CSNK1D: variants seen among roughly 807,000 people sequenced by gnomAD.
The protein encoded by CSNK1D is casein kinase 1 delta, also known as casein kinase I isoform delta.
CSNK1D carries 16 observed loss-of-function variants against 46.6 expected under a neutral mutation model. The ratio of observed to expected loss-of-function variants is 0.34; its 90% CI spans 0.23 to 0.52. The LOEUF is 0.52. Ranked by LOEUF, CSNK1D falls within the 20% of genes least tolerant of loss-of-function variation. CSNK1D has a pLI of 0.95. For synonymous variants in CSNK1D, 276 were observed against 228.2 expected (o/e 1.21, Z -1.89); for missense variants, 398 against 578.4 (o/e 0.69, Z 3.20).
intron 8 of CSNK1D, chr17:82,247,784 AAAGTCAAAATAACCACG>A (rs1355873426): frequency 5.1e-6 from 5 of 985,318 alleles, no homozygotes; most frequent in African/African-American, 1.7e-5. Context: ...ATATAACCAC[AAAGTCAAAATAACCACG>A]AAGCCAAAAT....
At chr17:82,240,830 G>T (rs2050732563), downstream of CSNK1D, among the ~76,000 whole-genome samples, 1 of 152,166 alleles carries the variant, frequency 6.6e-6, no homozygotes, top group African/African-American at 2.4e-5. Flanking sequence ...CCGCAGGGTG[G>T]GCGTGAGTGG....
At chr17:82,271,045 A>G (rs558134661) in intron 1 of CSNK1D, among the ~76,000 whole-genome samples, 1 of 152,370 alleles carries the variant, frequency 6.6e-6, no homozygotes, top group East Asian at 1.9e-4. Context: ...ACAAGGTCTC[A>G]GATCAGAGAA....
intron 2 of CSNK1D, among the ~76,000 whole-genome samples, chr17:82,260,495 CTGATGTGACTGATGGTGTACTGAG>C (rs1363458598): frequency 0.025 from 2,528 of 100,988 alleles, 29 homozygotes; most frequent in Middle Eastern, 0.048. Context: ...GGTGTACTGA[CTGATGTGACTGATGGTGTACTGAG>C]TGATGTGACT....
At chr17:82,242,243 T>C (rs1271768190), downstream of CSNK1D, among the ~76,000 whole-genome samples, 1 of 151,506 alleles carries the variant, frequency 6.6e-6, no homozygotes, top group African/African-American at 2.4e-5. Context: ...CCCTATCTCC[T>C]TGTGCCTGTG....
intron 1 of CSNK1D, among the ~76,000 whole-genome samples, chr17:82,272,805 G>C (rs1050988281): frequency 4.6e-5 from 7 of 152,210 alleles, no homozygotes; most frequent in African/African-American, 1.4e-4. Flanking sequence ...GCGGAAGAAA[G>C]AGCGTGGCCT....
At chr17:82,264,989 CG>C (rs1221344524) in intron 2 of CSNK1D, among the ~76,000 whole-genome samples, 21 of 151,564 alleles carry the variant, frequency 1.4e-4, no homozygotes, top group African/African-American at 5.1e-4. Context: ...TTAGTAGAGA[CG>C]GGGTTTCACT....
rs539519251 is a variant in CSNK1D at position 82,249,811 on chromosome 17, C to G, written c.886-209G>C. 388 of 1,435,422 alleles carry G rather than the reference C, an allele frequency of 2.7e-4. No individual in the cohort carries two copies. Among genetic ancestry groups the G allele is most frequent in the Non-Finnish European group, 2.8e-4 (306 of 1,099,620 alleles). 88.9% of individuals were successfully genotyped at this position (1,435,422 alleles called of 1,614,324 possible). On this transcript the variant is annotated intron_variant, in intron 6 of 8. Transcript: ENST00000314028. This position sits in a 1 kb window ranked among gnomAD's most constrained non-coding sequence, Gnocchi z 6.7. ...GTCAGAGCCAGGCCTCTCAGCTCCC[C>G]CAACAATCGAAAAAACCCCACTCGC...
chr17:82,252,536 G>A lies in CSNK1D; in HGVS notation c.634C>T (p.Pro212Ser). ...GTGGCAGCCTTCAGCCCCTGCCAGG[G>A]GAGAGAGCCCAGGTTGAAGTACATT... ...VLMYFNLGSL[P>S]WQGLKAATKR... Residue 212 changes from proline to serine, a missense_variant, in exon 5 of 9, where the codon CCC (proline) becomes TCC (serine). This residue lies in a region of CSNK1D where 217 missense variants were observed against 370.3 expected (regional missense o/e 0.59). Transcript: ENST00000314028. The surrounding 1 kb of genome is among the most constrained non-coding windows in gnomAD (Gnocchi z 4.6). The A allele has an allele frequency of 6.2e-7, 1 of 1,614,052 alleles. No individual in the cohort carries two copies. The highest frequency in any genetic ancestry group is 8.5e-7 in the Non-Finnish European group (1 of 1,180,012).
chr17:82,241,775 G>C (rs549347674), downstream of CSNK1D, among the ~76,000 whole-genome samples: 12 of 152,376 alleles, frequency 7.9e-5, no homozygotes, highest in Non-Finnish European at 1.8e-4. Context: ...GAATGGCTGA[G>C]AGGAAGGGCC....
chr17:82,239,032 G>A, downstream of CSNK1D: 1 of 1,471,308 alleles, frequency 6.8e-7, no homozygotes, highest in Non-Finnish European at 9.0e-7. Flanking sequence ...GGCAACGCTT[G>A]CTATTTATTT....
In CSNK1D at chr17:82,249,080, T is replaced by C. The variant is rs2050928770; in HGVS notation, c.1058-66A>G. On this transcript the variant is annotated intron_variant, in intron 7 of 8. Transcript: ENST00000314028. The surrounding 1 kb of genome is among the most constrained non-coding windows in gnomAD (Gnocchi z 6.7). Reference sequence around the variant, plus strand: ...GCTGCCTCTCACTCGGGGCTTTCTATGAGAGGCTGTGGCCAGAGAGGACCC... The same window carrying C: ...GCTGCCTCTCACTCGGGGCTTTCTACGAGAGGCTGTGGCCAGAGAGGACCC... 2 of 1,527,056 alleles carry C rather than the reference T, an allele frequency of 1.3e-6. No homozygotes were observed. Among genetic ancestry groups the C allele is most frequent in the African/African-American group, 2.7e-5 (2 of 72,798 alleles). 94.6% of individuals were successfully genotyped at this position (1,527,056 alleles called of 1,614,324 possible). A position where few individuals can be genotyped will look rare whatever the true frequency, so the allele number is the denominator to read the frequency against.
intron 2 of CSNK1D, among the ~76,000 whole-genome samples, chr17:82,264,571 C>T (rs1239299017): frequency 1.3e-5 from 2 of 152,138 alleles, no homozygotes; most frequent in Non-Finnish European, 2.9e-5. Context: ...TCATGATGGT[C>T]GCCAAGTTCA....
chr17:82,243,176 C>T lies in CSNK1D; in HGVS notation c.*1605G>A, dbSNP rs1175947144. ...GAAAGCATCCATGGGCTCAGGCAGA[C>T]GGCCAGCCAGCTGGTGGGGGGGTGA... On this transcript the variant is annotated 3_prime_UTR_variant, in exon 9 of 9. Transcript: ENST00000314028. 2.7e-5 allele frequency: 27 copies of T among 985,626 alleles called. No individual in the cohort carries two copies. The highest frequency in any genetic ancestry group is 1.2e-4 in the African/African-American group (7 of 57,356). 61.1% of individuals were successfully genotyped at this position (985,626 alleles called of 1,614,324 possible). A position where few individuals can be genotyped will look rare whatever the true frequency, so the allele number is the denominator to read the frequency against.
chr17:82,249,248 C>A lies in CSNK1D; in HGVS notation c.1057+183G>T. The stretch of plus-strand genomic sequence containing the variant: ...TGAGATGCGGGAGGAATCACGCACA[C>A]CAGCAGGTGCCGGCATTTCTAAAGG... On this transcript the variant is annotated intron_variant, in intron 7 of 8. Transcript: ENST00000314028. This position sits in a 1 kb window ranked among gnomAD's most constrained non-coding sequence, Gnocchi z 6.7. The A allele has an allele frequency of 1.3e-6, 1 of 773,790 alleles. No homozygotes were observed. The highest frequency in any genetic ancestry group is 2.0e-6 in the Non-Finnish European group (1 of 491,650). The allele number at this position is 773,790 out of a possible 1,614,324, so 47.9% of individuals were successfully genotyped here. A position where few individuals can be genotyped will look rare whatever the true frequency, so the allele number is the denominator to read the frequency against.
intron 8 of CSNK1D, chr17:82,246,080 G>T: frequency 6.3e-7 from 1 of 1,586,216 alleles, no homozygotes; most frequent in Non-Finnish European, 8.6e-7. Context: ...GCGTCCCGCT[G>T]GCCCCCTGAC....
intron 2 of CSNK1D, among the ~76,000 whole-genome samples, chr17:82,259,079 A>T (rs1464507376): frequency 1.3e-5 from 2 of 152,230 alleles, no homozygotes; most frequent in East Asian, 3.8e-4. Flanking sequence ...GAGACCTGAC[A>T]CCTGGCATCT....
At chr17:82,268,691 T>G (rs1284818276) in intron 1 of CSNK1D, among the ~76,000 whole-genome samples, 1 of 152,176 alleles carries the variant, frequency 6.6e-6, no homozygotes, top group Non-Finnish European at 1.5e-5. Flanking sequence ...TCCCTGCAGC[T>G]CAACAATCCT....
At chr17:82,247,128 CT>C in intron 8 of CSNK1D, 1 of 985,476 alleles carries the variant, frequency 1.0e-6, no homozygotes. Flanking sequence ...CAAGAGGCTT[CT>C]TTTGGAGAGA....
chr17:82,250,213 T>G lies in CSNK1D; in HGVS notation c.886-611A>C. ...AAGCAGATTCTAACTGCCAATGCTG[T>G]GCGGCAGGGGCCTGCAAACTACAGC... On this transcript the variant is annotated intron_variant, in intron 6 of 8. Coordinates refer to ENST00000314028, the MANE Select transcript of CSNK1D (RefSeq NM_001893.6). This position sits in a 1 kb window ranked among gnomAD's most constrained non-coding sequence, Gnocchi z 4.6. 1.6e-6 allele frequency: 2 copies of G among 1,289,802 alleles called. No individual in the cohort carries two copies. Among genetic ancestry groups the G allele is most frequent in the Non-Finnish European group, 2.0e-6 (2 of 988,828 alleles). The allele number at this position is 1,289,802 out of a possible 1,614,324, so 79.9% of individuals were successfully genotyped here. A position where few individuals can be genotyped will look rare whatever the true frequency, so the allele number is the denominator to read the frequency against.
Sources: allele counts gnomAD v4.1 joint callset (sites outside exome capture counted in the v4.1 genomes callset), GRCh38; gene constraint gnomAD v4.1.1; regional missense constraint gnomAD v4.1.1; non-coding constraint Gnocchi (gnomAD v3.1); transcripts MANE v1.5; gene names NCBI Gene and HGNC (gene_info 2026-07-23, HGNC 2026-07-21).